The following LCMT1 variants were observed in gnomAD, a reference collection of about 807,000 sequenced individuals.
LCMT1 encodes the protein [Phosphatase 2A protein]-leucine-carboxy methyltransferase 1.
A neutral mutation model predicts 47.7 loss-of-function variants in LCMT1; 32 were observed. The observed-to-expected ratio is 0.67, with a 90% CI of 0.51 to 0.90. LCMT1 has a LOEUF of 0.90. LCMT1 is among the 40% of genes least tolerant of loss of function. The probability of loss-of-function intolerance (pLI) is 0.00; values close to 1 mark genes in which losing one functional copy is unlikely to be tolerated. For missense variants in LCMT1, 375 were observed against 415.2 expected, an observed-to-expected ratio of 0.90 and a Z score of 0.84; for synonymous variants, 152 against 149.7, an observed-to-expected ratio of 1.02 and a Z score of -0.11.
chr16:25,160,708 A>G (rs1042037351), intron 5 of LCMT1: 2 of 511,468 alleles, frequency 3.9e-6, no homozygotes, highest in Non-Finnish European at 7.8e-6. Flanking sequence ...TATCCAGTCA[A>G]TGGAATGCTA....
At chr16:25,128,364 ATGGT>A (rs1239735274) in intron 1 of LCMT1, 107 bp from the exon 2 acceptor site, 3 of 693,834 alleles carry the variant, frequency 4.3e-6, no homozygotes, top group Admixed American at 5.6e-5. Flanking sequence ...TTTGAGGTGG[ATGGT>A]TGGTTTTCGT....
At chr16:25,161,879 A>G (rs1961443681) in intron 6 of LCMT1, among the ~76,000 whole-genome samples, 1 of 152,144 alleles carries the variant, frequency 6.6e-6, no homozygotes, top group South Asian at 2.1e-4. Context: ...CAAAGAAGAA[A>G]CTGAATATCA....
intron 2 of LCMT1, among the ~76,000 whole-genome samples, chr16:25,128,912 G>T (rs1036379993): frequency 2.1e-5 from 3 of 144,674 alleles, no homozygotes; most frequent in Admixed American, 7.2e-5. Context: ...TGTCAGGGGT[G>T]GGGGGCAAGG....
intron 1 of LCMT1, among the ~76,000 whole-genome samples, chr16:25,115,501 T>C (rs1464674733): frequency 6.6e-6 from 1 of 152,220 alleles, no homozygotes; most frequent in African/African-American, 2.4e-5. Flanking sequence ...TATCCTAGTT[T>C]GTTTCTCAGA....
intron 7 of LCMT1, among the ~76,000 whole-genome samples, chr16:25,168,734 A>G (rs542297848): frequency 6.8e-4 from 103 of 152,294 alleles, no homozygotes; most frequent in African/African-American, 2.3e-3. Flanking sequence ...TTTCATGGCT[A>G]TATATAATTT....
rs372852917 is a variant in LCMT1 at position 25,114,151 on chromosome 16, G to GT, written c.113+2157dup. 5.4e-3 allele frequency among the ~76,000 whole-genome samples: 821 copies of GT among 152,280 alleles called. 8 individuals are homozygous for GT. Among genetic ancestry groups the GT allele is most frequent in the African/African-American group, 0.019 (795 of 41,536 alleles). ...GGGTGGTTCCTGCTGCCCTGAGTGA[G>GT]TTATGGCTATAAAATAAAAAGCCAG... On this transcript the variant is annotated intron_variant, in intron 1 of 10. Coordinates refer to ENST00000399069, the MANE Select transcript of LCMT1 (RefSeq NM_016309.3).
intron 4 of LCMT1, among the ~76,000 whole-genome samples, chr16:25,150,137 C>T (rs1025937081): frequency 3.9e-5 from 6 of 152,002 alleles, no homozygotes; most frequent in Non-Finnish European, 8.8e-5. Flanking sequence ...ATGTTAAGTG[C>T]TTCACTTGGA....
chr16:25,128,980 C>A (rs1960274079), intron 2 of LCMT1, among the ~76,000 whole-genome samples: 1 of 144,036 alleles, frequency 6.9e-6, no homozygotes, highest in South Asian at 2.3e-4. Flanking sequence ...ATCTAAATGA[C>A]AGGTTGATGA....
chr16:25,127,583 C>T (rs146063144), intron 1 of LCMT1, among the ~76,000 whole-genome samples: 1 of 152,344 alleles, frequency 6.6e-6, no homozygotes, highest in African/African-American at 2.4e-5. Context: ...AGACATGACA[C>T]ACCCATACCC....
At chr16:25,129,074 G>A (rs577951348) in intron 2 of LCMT1, among the ~76,000 whole-genome samples, 65 of 150,100 alleles carry the variant, frequency 4.3e-4, no homozygotes, top group African/African-American at 1.4e-3. Flanking sequence ...GAGAACATGC[G>A]GTGTTTGGTT....
intron 3 of LCMT1, among the ~76,000 whole-genome samples, chr16:25,138,474 A>G (rs1960569616): frequency 6.6e-6 from 1 of 151,128 alleles, no homozygotes; most frequent in African/African-American, 2.4e-5. Flanking sequence ...GGGAGGGTGT[A>G]GCTACCAAGC....
At chr16:25,140,369 C>A in intron 4 of LCMT1, 122 bp downstream of exon 4, 1 of 735,194 alleles carries the variant, frequency 1.4e-6, no homozygotes, top group Non-Finnish European at 2.3e-6. Context: ...CACTGCCCCC[C>A]ACCAACTTTT....
intron 3 of LCMT1, among the ~76,000 whole-genome samples, chr16:25,135,308 T>TAA (rs1555482778): frequency 7.3e-5 from 11 of 151,034 alleles, no homozygotes; most frequent in Middle Eastern, 3.5e-3. Context: ...TATATATATA[T>TAA]AACATTTGTT....
chr16:25,166,051 C>T (rs1425798040), intron 7 of LCMT1, among the ~76,000 whole-genome samples: 1 of 151,668 alleles, frequency 6.6e-6, no homozygotes, highest in Non-Finnish European at 1.5e-5. Context: ...GGCAGATCTC[C>T]TGAGGTCAGG....
chr16:25,118,886 G>A (rs1342899744), intron 1 of LCMT1, among the ~76,000 whole-genome samples: 1 of 152,168 alleles, frequency 6.6e-6, no homozygotes, highest in Non-Finnish European at 1.5e-5. Flanking sequence ...TCACTCGAGG[G>A]AGGCTCTTGT....
intron 5 of LCMT1, among the ~76,000 whole-genome samples, chr16:25,156,475 AAAG>A (rs1224728268): frequency 6.6e-6 from 1 of 152,180 alleles, no homozygotes; most frequent in Non-Finnish European, 1.5e-5. Context: ...CAGAAAGAGA[AAAG>A]AACAGCAAGT....
chr16:25,160,402 T>G (rs1961392089), intron 5 of LCMT1, among the ~76,000 whole-genome samples: 1 of 152,220 alleles, frequency 6.6e-6, no homozygotes, highest in African/African-American at 2.4e-5. Context: ...CCACCTCTGC[T>G]GGAGTCTTTC....
At chr16:25,139,920 T>C in intron 3 of LCMT1, 1 of 445,692 alleles carries the variant, frequency 2.2e-6, no homozygotes. Context: ...ACCTGCTAGC[T>C]CAGGCTCCTT....
chr16:25,111,910 T>C lies in LCMT1; in HGVS notation c.27T>C (p.Ser9=). MATRQRES[S]ITSCCSTSSC... is the part of the protein sequence containing the mutation. ...TGGCCACTAGGCAGAGGGAATCCTC[T>C]ATCACCTCCTGCTGTTCCACCTCGA... is the stretch of plus-strand genomic sequence containing the variant. The change falls in exon 1 of 11, where the codon TCT becomes TCC. Residue 9 remains serine, a synonymous_variant. Transcript: ENST00000399069. 1 of 1,613,200 alleles carries C rather than the reference T, an allele frequency of 6.2e-7. No homozygotes were observed. The highest frequency in any genetic ancestry group is 8.5e-7 in the Non-Finnish European group (1 of 1,179,484).
Sources: gnomAD v4.1 joint callset for allele counts (sites outside exome capture counted in the v4.1 genomes callset) on GRCh38, gnomAD v4.1.1 for gene constraint, MANE v1.5 for transcripts, NCBI Gene and HGNC (gene_info 2026-07-23, HGNC 2026-07-21) for gene names.